TDRP: variants seen among roughly 807,000 people sequenced by gnomAD.
TDRP encodes the protein testis development-related protein.
A neutral mutation model predicts 10.5 loss-of-function variants in TDRP; 12 were observed. The observed-to-expected ratio is 1.15, with a 90% CI of 0.73 to 1.86. The LOEUF is 1.86. TDRP is among the 40% of genes most tolerant of loss of function. TDRP has a pLI of 0.00. For synonymous variants in TDRP, 139 were observed against 95.4 expected (o/e 1.46, Z -2.67); for missense variants, 353 against 229.2 (o/e 1.54, Z -3.49).
intron 1 of TDRP, among the ~76,000 whole-genome samples, chr8:523,505 T>C (rs1242485465): frequency 6.6e-6 from 1 of 152,198 alleles, no homozygotes; most frequent in Non-Finnish European, 1.5e-5. Flanking sequence ...CTGGGGTCCC[T>C]GATTCCAGGC....
At position 512,230 on chromosome 8, in the gene TDRP, T is replaced by C. The variant is rs867121326; in HGVS notation, c.109-17633A>G. 2.0e-5 allele frequency among the ~76,000 whole-genome samples: 3 copies of C among 151,708 alleles called. 1 individual carries two copies. The South Asian group carries it at 6.3e-4, about 32-fold the overall frequency. ...CACGAGGTGGAGACTGAGACCATCC[T>C]GGCCAACACAGTGAAACCCCTTCTC... On this transcript the variant is annotated intron_variant, in intron 1 of 2. Coordinates refer to ENST00000324079, the MANE Select transcript of TDRP (RefSeq NM_001384899.1).
intron 1 of TDRP, among the ~76,000 whole-genome samples, chr8:541,181 G>A (rs908886080): frequency 6.6e-6 from 1 of 152,134 alleles, no homozygotes; most frequent in Admixed American, 6.5e-5. Flanking sequence ...CAGTCCTCTT[G>A]AAGAAATTAA....
chr8:542,857 CAAA>C (rs34967419), intron 1 of TDRP, among the ~76,000 whole-genome samples: 4 of 105,742 alleles, frequency 3.8e-5, no homozygotes, highest in Admixed American at 9.6e-5. Flanking sequence ...AACTTCATCT[CAAA>C]AAAAAAAAAA....
rs548823847 is a variant in TDRP at position 539,934 on chromosome 8, T to C, written c.108+4716A>G. Among the ~76,000 whole-genome samples the C allele has an allele frequency of 5.3e-5, 8 of 152,376 alleles. No individual in the cohort carries two copies. The South Asian group carries it at 1.4e-3, about 28-fold the overall frequency. On this transcript the variant is annotated intron_variant, in intron 1 of 2. Coordinates refer to ENST00000324079, the MANE Select transcript of TDRP (RefSeq NM_001384899.1). ...TCCTTGATGTCTTTTTTCTTTGCAA[T>C]GTCTACAGAATATGTCTAAGCTTTT...
chr8:537,653 G>C (rs914585960), intron 1 of TDRP, among the ~76,000 whole-genome samples: 4 of 152,052 alleles, frequency 2.6e-5, no homozygotes, highest in African/African-American at 9.7e-5. Flanking sequence ...AGAATTCACC[G>C]GGGTTTGAGA....
chr8:517,776 G>C (rs879705860), intron 1 of TDRP, among the ~76,000 whole-genome samples: 2 of 152,154 alleles, frequency 1.3e-5, no homozygotes, highest in Non-Finnish European at 2.9e-5. Flanking sequence ...TTGTGTCTCA[G>C]AATAAATCTA....
intron 1 of TDRP, among the ~76,000 whole-genome samples, chr8:536,323 A>G (rs747198661): frequency 6.6e-6 from 1 of 152,220 alleles, no homozygotes; most frequent in Non-Finnish European, 1.5e-5. Flanking sequence ...AAGATTCTAG[A>G]GCTGTGCTTT....
chr8:502,527 C>T (rs563493597), intron 1 of TDRP, among the ~76,000 whole-genome samples: 16 of 152,314 alleles, frequency 1.1e-4, no homozygotes, highest in Non-Finnish European at 1.8e-4. Context: ...AAAACTAGCT[C>T]GGGTGACCTA....
intron 1 of TDRP, among the ~76,000 whole-genome samples, chr8:497,958 C>T (rs1801180133): frequency 6.6e-6 from 1 of 152,152 alleles, no homozygotes; most frequent in Admixed American, 6.5e-5. Flanking sequence ...TGAAAGTACA[C>T]AGAAGGCAGG....
At chr8:518,904 A>C (rs947438179) in intron 1 of TDRP, among the ~76,000 whole-genome samples, 1 of 152,206 alleles carries the variant, frequency 6.6e-6, no homozygotes, top group Non-Finnish European at 1.5e-5. Context: ...GGTTCCTGAC[A>C]CAGAGTTCCT....
intron 2 of TDRP, 27 bp downstream of exon 2, chr8:494,467 T>G (rs752661556): frequency 1.9e-6 from 3 of 1,602,052 alleles, no homozygotes; most frequent in Non-Finnish European, 2.6e-6. Context: ...CCTGAAATGA[T>G]CATTTTCTTA....
intron 1 of TDRP, among the ~76,000 whole-genome samples, chr8:544,169 C>T (rs971376397): frequency 3.3e-5 from 5 of 152,178 alleles, no homozygotes; most frequent in Admixed American, 6.5e-5. Context: ...TCGTCCAAAG[C>T]TGCTTAGTGT....
chr8:508,760 A>C (rs1801533806), intron 1 of TDRP, among the ~76,000 whole-genome samples: 1 of 152,198 alleles, frequency 6.6e-6, no homozygotes, highest in Non-Finnish European at 1.5e-5. Flanking sequence ...ATGCCTTCTC[A>C]ACAGTTCCCC....
intron 1 of TDRP, among the ~76,000 whole-genome samples, chr8:544,380 G>C (rs1802580061): frequency 6.6e-6 from 1 of 152,072 alleles, no homozygotes; most frequent in African/African-American, 2.4e-5. Flanking sequence ...CAAGCGGCGA[G>C]AACGCCGGCA....
At chr8:516,286 G>C (rs576252217) in intron 1 of TDRP, among the ~76,000 whole-genome samples, 2 of 152,084 alleles carry the variant, frequency 1.3e-5, no homozygotes, top group Non-Finnish European at 2.9e-5. Flanking sequence ...TGTCCCTCAG[G>C]AATGTGGAAT....
chr8:496,199 C>A (rs1450812396), intron 1 of TDRP, among the ~76,000 whole-genome samples: 2 of 152,260 alleles, frequency 1.3e-5, no homozygotes, highest in Non-Finnish European at 2.9e-5. Context: ...TGCACAAAAA[C>A]CGATCACACA....
intron 1 of TDRP, among the ~76,000 whole-genome samples, chr8:521,743 G>C (rs963323226): frequency 1.2e-4 from 18 of 151,900 alleles, no homozygotes; most frequent in African/African-American, 3.6e-4. Flanking sequence ...GATTCTATAT[G>C]AACTTTAGAA....
At chr8:498,848 A>G (rs1372820886) in intron 1 of TDRP, among the ~76,000 whole-genome samples, 2 of 151,596 alleles carry the variant, frequency 1.3e-5, no homozygotes, top group Non-Finnish European at 2.9e-5. Context: ...GAGTTCTCAC[A>G]AGATCTGATC....
chr8:520,467 G>C (rs976755054), intron 1 of TDRP, among the ~76,000 whole-genome samples: 2 of 152,184 alleles, frequency 1.3e-5, no homozygotes, highest in Admixed American at 6.5e-5. Flanking sequence ...ATACACAGAA[G>C]TGGGATGGCT....
Sources: gnomAD v4.1 joint callset for allele counts (sites outside exome capture counted in the v4.1 genomes callset) on GRCh38, gnomAD v4.1.1 for gene constraint, MANE v1.5 for transcripts, NCBI Gene and HGNC (gene_info 2026-07-23, HGNC 2026-07-21) for gene names.